Variants in STAB2 observed in about 807,000 individuals in gnomAD.
STAB2 encodes the protein stabilin-2.
STAB2 carries 288 observed loss-of-function variants against 338.1 expected under a neutral mutation model. That is an observed-to-expected ratio of 0.85 (90% CI 0.77 to 0.94). STAB2 has a LOEUF of 0.94. Among genes scored for constraint, STAB2 ranks in the 40% least tolerant of loss-of-function variants. The pLI, the probability that STAB2 is intolerant of heterozygous loss-of-function variation, is 0.00. For synonymous variants in STAB2, 1,202 were observed against 1,193.3 expected, an observed-to-expected ratio of 1.01 and a Z score of -0.15; for missense variants, 3,141 against 3,210.1, an observed-to-expected ratio of 0.98 and a Z score of 0.52.
Position 103,655,392 on chromosome 12 carries a change from C to T in STAB2, c.1609-64C>T, listed in dbSNP as rs79734520. 2,939 of 1,601,452 alleles carry T rather than the reference C, an allele frequency of 1.8e-3. 49 individuals are homozygous for T. The African/African-American group carries it at 0.029, about 16-fold the overall frequency. On this transcript the variant is annotated intron_variant, in intron 14 of 68. Transcript: ENST00000388887. ...AGGGGTGTCAATTATAAATTTCTGG[C>T]GAATTATGTTAAATATTTGTCCAAG... is the stretch of plus-strand genomic sequence containing the variant.
At chr12:103,657,226 TAAAA>T (rs140834161) in intron 15 of STAB2, among the ~76,000 whole-genome samples, 3 of 116,360 alleles carry the variant, frequency 2.6e-5, no homozygotes, top group Non-Finnish European at 3.5e-5. Context: ...TAAAGTGAGC[TAAAA>T]AAAAAAAAAA....
At chr12:103,631,429 A>G (rs1957459681) in intron 5 of STAB2, among the ~76,000 whole-genome samples, 169 bp from the exon 6 acceptor site, 1 of 97,634 alleles carries the variant, frequency 1.0e-5, no homozygotes, top group South Asian at 4.1e-4. Context: ...ATTCCTATCC[A>G]TATGTTAAAC....
rs374220575 is a variant in STAB2, at chr12:103,737,133, G to T, written c.5551-501G>T. Reference sequence around the variant, plus strand: ...GACTCAGTTACTACACACAAAGAGGGCACATCAGCGAAGTTCATCCCTAAC... The same window carrying T: ...GACTCAGTTACTACACACAAAGAGGTCACATCAGCGAAGTTCATCCCTAAC... On this transcript the variant is annotated intron_variant, in intron 52 of 68. Transcript: ENST00000388887. Among the ~76,000 whole-genome samples the T allele has an allele frequency of 2.3e-4, 35 of 152,298 alleles. No individual in the cohort carries two copies. In the East Asian group the frequency reaches 4.8e-3, roughly 21 times the overall value.
intron 61 of STAB2, among the ~76,000 whole-genome samples, chr12:103,754,160 G>A (rs577680973): frequency 6.6e-6 from 1 of 152,064 alleles, no homozygotes; most frequent in South Asian, 2.1e-4. Context: ...CTTTACCAAG[G>A]AATAAAGCCT....
intron 59 of STAB2, 35 bp downstream of exon 59, chr12:103,749,191 G>C: frequency 6.4e-7 from 1 of 1,563,132 alleles, no homozygotes; most frequent in African/African-American, 1.4e-5. Context: ...TTTGGGAGCA[G>C]CGCCGTGGGC....
intron 3 of STAB2, among the ~76,000 whole-genome samples, chr12:103,597,102 G>T (rs540467511): frequency 6.6e-6 from 1 of 151,992 alleles, no homozygotes; most frequent in Admixed American, 6.6e-5. Context: ...GGGGCAAAAC[G>T]GTACTCCTCT....
At chr12:103,687,347 T>C (rs1877519876) in intron 27 of STAB2, among the ~76,000 whole-genome samples, 1 of 151,802 alleles carries the variant, frequency 6.6e-6, no homozygotes, top group African/African-American at 2.4e-5. Context: ...AAAAAAAAAC[T>C]ATAACGCCTT....
At chr12:103,749,733 G>A (rs566331108) in intron 59 of STAB2, among the ~76,000 whole-genome samples, 6 of 150,872 alleles carry the variant, frequency 4.0e-5, no homozygotes, top group Admixed American at 4.0e-4. Context: ...CCAGCTACTC[G>A]GGAGGCTGAG....
chr12:103,709,775 C>T (rs1267962840), intron 39 of STAB2, among the ~76,000 whole-genome samples: 1 of 152,158 alleles, frequency 6.6e-6, no homozygotes, highest in African/African-American at 2.4e-5. Flanking sequence ...GGGTACAGAG[C>T]CAGGCTTCTG....
intron 26 of STAB2, 76 bp from the exon 27 acceptor site, chr12:103,684,913 C>A (rs771395501): frequency 9.2e-6 from 13 of 1,418,240 alleles, no homozygotes; most frequent in Non-Finnish European, 1.1e-5. Flanking sequence ...TTAGATGGAG[C>A]CTGTCGTCTC....
chr12:103,635,727 G>A (rs1318202026), intron 6 of STAB2, among the ~76,000 whole-genome samples: 1 of 152,222 alleles, frequency 6.6e-6, no homozygotes, highest in Admixed American at 6.5e-5. Context: ...ACACACAGAG[G>A]TGCACTGCAT....
At chr12:103,711,384 A>C in intron 39 of STAB2, 87 bp from the exon 40 acceptor site, 1 of 1,557,748 alleles carries the variant, frequency 6.4e-7, no homozygotes, top group Non-Finnish European at 8.8e-7. Context: ...ACTTCCAAAG[A>C]AGTAGCTTTT....
intron 19 of STAB2, chr12:103,668,432 C>T: frequency 5.4e-6 from 3 of 552,006 alleles, no homozygotes; most frequent in Admixed American, 3.0e-5. Flanking sequence ...ATGATGCAAA[C>T]TCTGGCCTGT....
At chr12:103,711,649 G>A in intron 40 of STAB2, 133 bp downstream of exon 40, 2 of 1,048,468 alleles carry the variant, frequency 1.9e-6, no homozygotes, top group Non-Finnish European at 2.8e-6. Context: ...ACTTGAGTAT[G>A]AAACTAAAAA....
chr12:103,601,715 A>T (rs959027727), intron 3 of STAB2, among the ~76,000 whole-genome samples: 1 of 152,238 alleles, frequency 6.6e-6, no homozygotes, highest in Non-Finnish European at 1.5e-5. Flanking sequence ...TTTTCTTGCA[A>T]CTATATTAAA....
intron 30 of STAB2, 69 bp downstream of exon 30, chr12:103,690,607 T>G (rs1877851336): frequency 2.2e-6 from 3 of 1,386,096 alleles, no homozygotes; most frequent in Admixed American, 4.3e-5. Context: ...CTTTTTAAAT[T>G]TTCATGTTAT....
intron 44 of STAB2, among the ~76,000 whole-genome samples, chr12:103,724,757 G>A (rs1372094365): frequency 3.3e-5 from 5 of 152,158 alleles, no homozygotes; most frequent in African/African-American, 1.2e-4. Flanking sequence ...CTGCTCAAAG[G>A]GACCTGTCAT....
chr12:103,666,244 TC>T (rs1304146993), intron 18 of STAB2, 46 bp from the exon 19 acceptor site: 1 of 1,586,546 alleles, frequency 6.3e-7, no homozygotes, highest in African/African-American at 1.3e-5. Context: ...TCGCCACTGC[TC>T]CCTCTCATAG....
intron 2 of STAB2, among the ~76,000 whole-genome samples, chr12:103,594,173 C>T (rs1221414575): frequency 1.3e-5 from 2 of 152,096 alleles, no homozygotes. Context: ...TTAGATATTT[C>T]CCCCGTATGT....
Sources: allele counts gnomAD v4.1 joint callset (sites outside exome capture counted in the v4.1 genomes callset), GRCh38; gene constraint gnomAD v4.1.1; transcripts MANE v1.5; gene names NCBI Gene and HGNC (gene_info 2026-07-23, HGNC 2026-07-21).